GAS7: variants seen among roughly 807,000 people sequenced by gnomAD.
GAS7 encodes the protein growth arrest-specific protein 7.
Under a neutral mutation model 71.1 loss-of-function variants are expected in GAS7, and 28 were observed. The observed-to-expected ratio is 0.39, with a 90% confidence interval of 0.29 to 0.54. GAS7 has a LOEUF of 0.54. GAS7 is among the 20% of genes least tolerant of loss of function. GAS7 has a pLI of 0.62. For synonymous variants in GAS7, 258 were observed against 245.8 expected, an observed-to-expected ratio of 1.05 and a Z score of -0.46; for missense variants, 436 against 627.8, an observed-to-expected ratio of 0.69 and a Z score of 3.27.
chr17:10,183,321 C>T (rs11657193), intron 1 of GAS7, among the ~76,000 whole-genome samples: 52,143 of 151,960 alleles, frequency 0.34, 9,163 homozygotes, highest in Middle Eastern at 0.42. Flanking sequence ...TCTTGCAGTA[C>T]GACCTCAGAG....
At chr17:10,154,007 G>A (rs2074186453) in intron 1 of GAS7, among the ~76,000 whole-genome samples, 1 of 152,240 alleles carries the variant, frequency 6.6e-6, no homozygotes, top group Non-Finnish European at 1.5e-5. Context: ...GAGCCCAGGA[G>A]TTTGAGGTAA....
chr17:10,056,038 C>T (rs1411998065), intron 1 of GAS7, among the ~76,000 whole-genome samples: 6 of 152,184 alleles, frequency 3.9e-5, no homozygotes, highest in East Asian at 1.9e-4. Context: ...ATATCATTCA[C>T]GGGCACTTAG....
intron 1 of GAS7, among the ~76,000 whole-genome samples, chr17:10,127,647 T>C (rs1455220764): frequency 6.6e-6 from 1 of 152,142 alleles, no homozygotes; most frequent in Non-Finnish European, 1.5e-5. Flanking sequence ...CACCAGATCT[T>C]GCGCAGAAAA....
chr17:9,966,605 C>T (rs757096869), intron 4 of GAS7, among the ~76,000 whole-genome samples: 15 of 152,166 alleles, frequency 9.9e-5, no homozygotes, highest in Non-Finnish European at 1.9e-4. Flanking sequence ...GTTGGTAGAG[C>T]TCTCTGTAAA....
chr17:10,051,234 C>T lies in GAS7; in HGVS notation c.184-31337G>A, dbSNP rs181650141. On this transcript the variant is annotated intron_variant, in intron 1 of 13. Coordinates refer to ENST00000432992, the MANE Select transcript of GAS7 (RefSeq NM_201433.2). ...ATGGTAGGTACATATTAGCTTCATC[C>T]CATACTTTTCCATCCCCTTGAGAAA... Among the ~76,000 whole-genome samples the T allele has an allele frequency of 2.0e-5, 3 of 152,266 alleles. No individual in the cohort carries two copies. The East Asian group carries it at 5.8e-4, about 29-fold the overall frequency.
chr17:10,180,550 T>C (rs1210056347), intron 1 of GAS7, among the ~76,000 whole-genome samples: 1 of 152,080 alleles, frequency 6.6e-6, no homozygotes, highest in African/African-American at 2.4e-5. Context: ...GGAGGCCGAT[T>C]TCTTCAACGC....
chr17:10,150,138 T>A (rs899253944), intron 1 of GAS7, among the ~76,000 whole-genome samples: 2 of 152,088 alleles, frequency 1.3e-5, no homozygotes, highest in Non-Finnish European at 1.5e-5. Context: ...AAAAAAATAT[T>A]AACTATTTTT....
At chr17:10,005,068 T>TACAC in intron 2 of GAS7, among the ~76,000 whole-genome samples, 1 of 135,674 alleles carries the variant, frequency 7.4e-6, no homozygotes, top group East Asian at 2.8e-4. Context: ...TATGTGTGTA[T>TACAC]GCACGCATAC....
At chr17:10,175,329 C>T (rs1044756160) in intron 1 of GAS7, among the ~76,000 whole-genome samples, 1 of 151,582 alleles carries the variant, frequency 6.6e-6, no homozygotes, top group Non-Finnish European at 1.5e-5. Context: ...GGGTAAGGGG[C>T]TTGTGTGAGT....
intron 1 of GAS7, among the ~76,000 whole-genome samples, chr17:10,092,814 C>T (rs563252085): frequency 6.3e-4 from 96 of 152,286 alleles, no homozygotes; most frequent in African/African-American, 2.2e-3. Flanking sequence ...GGTTGCATCA[C>T]CCTGATCTTT....
chr17:10,056,794 A>G (rs918505329), intron 1 of GAS7, among the ~76,000 whole-genome samples: 16 of 148,900 alleles, frequency 1.1e-4, no homozygotes, highest in African/African-American at 3.0e-4. Context: ...CTCTCTTTCC[A>G]CGGTCTCCCT....
chr17:10,043,394 G>A (rs1377078441), intron 1 of GAS7, among the ~76,000 whole-genome samples: 8 of 152,130 alleles, frequency 5.3e-5, no homozygotes. Flanking sequence ...AATAAGTACA[G>A]CTGACCCTTG....
At chr17:10,193,934 T>C (rs1330234058) in intron 1 of GAS7, among the ~76,000 whole-genome samples, 1 of 152,184 alleles carries the variant, frequency 6.6e-6, no homozygotes, top group Non-Finnish European at 1.5e-5. Flanking sequence ...GCTTGTTACA[T>C]GGCAATAGAT....
chr17:10,006,392 C>A (rs982301941), intron 2 of GAS7, among the ~76,000 whole-genome samples: 1 of 134,340 alleles, frequency 7.4e-6, no homozygotes, highest in Non-Finnish European at 1.5e-5. Context: ...TGCAGTGGCG[C>A]GATCTCGGCT....
intron 7 of GAS7, among the ~76,000 whole-genome samples, chr17:9,942,803 C>A (rs1246930701): frequency 6.6e-6 from 1 of 152,232 alleles, no homozygotes; most frequent in Non-Finnish European, 1.5e-5. Context: ...TCAGCTCCAG[C>A]CAAGTGTCGC....
At chr17:10,131,546 C>T (rs371979951) in intron 1 of GAS7, among the ~76,000 whole-genome samples, 34 of 152,302 alleles carry the variant, frequency 2.2e-4, no homozygotes, top group Middle Eastern at 6.8e-3. Flanking sequence ...CGCTTGAACC[C>T]GGGAGGCGGA....
At chr17:10,109,742 A>T (rs1173578106) in intron 1 of GAS7, among the ~76,000 whole-genome samples, 2 of 152,108 alleles carry the variant, frequency 1.3e-5, no homozygotes, top group East Asian at 3.9e-4. Flanking sequence ...AACATAGCAA[A>T]ACTCCGTCTC....
intron 2 of GAS7, among the ~76,000 whole-genome samples, chr17:9,998,298 T>A (rs1445973651): frequency 6.6e-6 from 1 of 152,188 alleles, no homozygotes; most frequent in East Asian, 1.9e-4. Context: ...AAGACTCTTC[T>A]CTAAGAACTG....
chr17:10,141,863 A>G (rs552617893), intron 1 of GAS7, among the ~76,000 whole-genome samples: 58 of 152,362 alleles, frequency 3.8e-4, no homozygotes, highest in Non-Finnish European at 6.3e-4. Flanking sequence ...ACTTTTCAGA[A>G]TAACTCTGTC....
Sources: gnomAD v4.1 joint callset for allele counts (sites outside exome capture counted in the v4.1 genomes callset) on GRCh38, gnomAD v4.1.1 for gene constraint, MANE v1.5 for transcripts, NCBI Gene and HGNC (gene_info 2026-07-23, HGNC 2026-07-21) for gene names.